The following CDH4 variants were observed in gnomAD, a reference collection of about 807,000 sequenced individuals.
The protein encoded by CDH4 is cadherin 4.
In CDH4, 33 loss-of-function variants were observed where a neutral mutation model predicts 86.0. That is an observed-to-expected ratio of 0.38 (90% CI 0.29 to 0.51). The LOEUF is 0.51. Ranked by LOEUF, CDH4 falls within the 20% of genes least tolerant of loss-of-function variation. The pLI, the probability that CDH4 is intolerant of heterozygous loss-of-function variation, is 0.86. For missense variants in CDH4, 1,114 were observed against 1,307.4 expected (o/e 0.85, Z 2.28); for synonymous variants, 555 against 549.4 (o/e 1.01, Z -0.14).
intron 2 of CDH4, among the ~76,000 whole-genome samples, chr20:61,424,957 C>T (rs974035306): frequency 6.6e-6 from 1 of 152,228 alleles, no homozygotes; most frequent in African/African-American, 2.4e-5. Context: ...AAACTGGACC[C>T]ACCACGTGCA....
chr20:61,310,649 C>G (rs1467209982), intron 2 of CDH4, among the ~76,000 whole-genome samples: 1 of 152,104 alleles, frequency 6.6e-6, no homozygotes, highest in Non-Finnish European at 1.5e-5. Flanking sequence ...TCTGCAGCCC[C>G]GGGGTTGGGT....
At chr20:61,489,140 G>T (rs535418026) in intron 2 of CDH4, among the ~76,000 whole-genome samples, 2 of 152,062 alleles carry the variant, frequency 1.3e-5, no homozygotes, top group South Asian at 2.1e-4. Context: ...AACACGAGTC[G>T]CCTCTTCTCA....
chr20:61,829,209 T>C lies in CDH4; in HGVS notation c.577-15459T>C, dbSNP rs1321423896. On this transcript the variant is annotated intron_variant, in intron 4 of 15. Transcript: ENST00000614565. The surrounding 1 kb of genome is among the most constrained non-coding windows in gnomAD (Gnocchi z 4.2). ...AGCAGCCAATAACGTACTTCCTGTC[T>C]CTATGGATTTGCCTGTCCTGCATAC... 6.6e-6 allele frequency among the ~76,000 whole-genome samples: 1 copy of C among 152,216 alleles called. No homozygotes were observed. Among genetic ancestry groups the C allele is most frequent in the Admixed American group, 6.5e-5 (1 of 15,278 alleles).
chr20:61,767,182 C>A (rs564501230), intron 3 of CDH4, among the ~76,000 whole-genome samples: 1 of 152,324 alleles, frequency 6.6e-6, no homozygotes, highest in East Asian at 1.9e-4. Context: ...TGCACCCCGC[C>A]CCCACATGAG....
intron 2 of CDH4, among the ~76,000 whole-genome samples, chr20:61,590,881 G>GC (rs2086513992): frequency 2.6e-5 from 4 of 152,106 alleles, no homozygotes; most frequent in African/African-American, 9.7e-5. Flanking sequence ...ATCTATGGGG[G>GC]GGGGGGTCCC....
intron 2 of CDH4, among the ~76,000 whole-genome samples, chr20:61,550,910 C>A (rs751740608): frequency 2.0e-5 from 3 of 152,176 alleles, no homozygotes; most frequent in Non-Finnish European, 4.4e-5. Flanking sequence ...CAGGCCAGTG[C>A]GCAGACAGAA....
chr20:61,326,387 C>G (rs2084537096), intron 2 of CDH4, among the ~76,000 whole-genome samples: 1 of 152,230 alleles, frequency 6.6e-6, no homozygotes, highest in Non-Finnish European at 1.5e-5. Context: ...ACACAACACT[C>G]TTTCCAATAT....
At chr20:61,359,634 A>G (rs1162369838) in intron 2 of CDH4, among the ~76,000 whole-genome samples, 1 of 152,224 alleles carries the variant, frequency 6.6e-6, no homozygotes, top group African/African-American at 2.4e-5. Flanking sequence ...AGGACTTAGC[A>G]TCACTCTCTT....
At chr20:61,569,463 T>C (rs2086325868) in intron 2 of CDH4, among the ~76,000 whole-genome samples, 1 of 152,172 alleles carries the variant, frequency 6.6e-6, no homozygotes, top group Non-Finnish European at 1.5e-5. Context: ...CTCCCCTTTC[T>C]CTCTCTCACA....
intron 6 of CDH4, among the ~76,000 whole-genome samples, chr20:61,871,039 A>G (rs1005862429): frequency 3.6e-4 from 54 of 149,866 alleles, no homozygotes; most frequent in Non-Finnish European, 3.3e-4. Flanking sequence ...TATTTATAGG[A>G]TGTGTGTGTG....
intron 9 of CDH4, among the ~76,000 whole-genome samples, chr20:61,920,665 ACTGCATGGAAGCGTGGTGTCGTGATG>A (rs2054968360): frequency 6.7e-6 from 1 of 148,950 alleles, no homozygotes; most frequent in African/African-American, 2.5e-5. Context: ...TGTCACAGTG[ACTGCATGGAAGCGTGGTGTCGTGATG>A]ATTGCATGGA....
intron 2 of CDH4, among the ~76,000 whole-genome samples, chr20:61,592,083 A>G (rs181998294): frequency 6.6e-6 from 1 of 152,136 alleles, no homozygotes; most frequent in East Asian, 1.9e-4. Flanking sequence ...TTAAGCAAAA[A>G]CAGGTTTTCC....
At chr20:61,625,384 G>A (rs1352303697) in intron 2 of CDH4, among the ~76,000 whole-genome samples, 1 of 152,010 alleles carries the variant, frequency 6.6e-6, no homozygotes, top group East Asian at 1.9e-4. Flanking sequence ...GACATTTGCT[G>A]AACCAGCTTG....
intron 6 of CDH4, 111 bp downstream of exon 6, chr20:61,853,009 G>A (rs1359977236): frequency 8.6e-6 from 10 of 1,159,706 alleles, no homozygotes; most frequent in East Asian, 5.1e-5. Context: ...ATGGTGCCAC[G>A]GGACTTGGGC....
chr20:61,579,011 T>C, intron 2 of CDH4, among the ~76,000 whole-genome samples: 1 of 152,204 alleles, frequency 6.6e-6, no homozygotes, highest in East Asian at 1.9e-4. Flanking sequence ...ACCCTGACCG[T>C]GTGCTGAGGG....
chr20:61,778,125 C>T (rs898159893), intron 4 of CDH4, among the ~76,000 whole-genome samples: 1 of 152,220 alleles, frequency 6.6e-6, no homozygotes, highest in East Asian at 1.9e-4. Context: ...TTATCTAGCA[C>T]AGGCAGTGGT....
chr20:61,306,587 A>G lies in CDH4; in HGVS notation c.169+51650A>G, dbSNP rs192980429. Among the ~76,000 whole-genome samples, 95 of 152,260 alleles carry G rather than the reference A, an allele frequency of 6.2e-4. No homozygotes were observed. The East Asian group carries it at 0.015, about 25-fold the overall frequency. On this transcript the variant is annotated intron_variant, in intron 2 of 15. Coordinates refer to ENST00000614565, the MANE Select transcript of CDH4 (RefSeq NM_001794.5). Reference sequence around the variant, plus strand: ...CCTGAACTTGTGATCCACCTGCCTCAGCCTCCCAAAGTGCTGGGATTACAG... The same window carrying G: ...CCTGAACTTGTGATCCACCTGCCTCGGCCTCCCAAAGTGCTGGGATTACAG...
Position 61,344,201 on chromosome 20 carries a change from CG to C in CDH4, c.169+89269del, listed in dbSNP as rs200396609. On this transcript the variant is annotated intron_variant, in intron 2 of 15. Coordinates refer to ENST00000614565, the MANE Select transcript of CDH4 (RefSeq NM_001794.5). ...CGAGTGGAATGGTCCATGGGGCCTG[CG>C]GGGGTTGATACTGATGCTTTGTTTT... Among the ~76,000 whole-genome samples the C allele has an allele frequency of 4.9e-4, 75 of 152,068 alleles. No individual in the cohort carries two copies. The East Asian group carries it at 0.013, about 27-fold the overall frequency.
rs930214627 is a variant in CDH4 at position 61,619,091 on chromosome 20, C to A, written c.170-124472C>A. Reference sequence around the variant, plus strand: ...GAATAAAGAAACAGGCCTGGCCCAGCTGCAGTTGCACACCTAGCCCTGCTA... The same window carrying A: ...GAATAAAGAAACAGGCCTGGCCCAGATGCAGTTGCACACCTAGCCCTGCTA... On this transcript the variant is annotated intron_variant, in intron 2 of 15. Transcript: ENST00000614565. 3.9e-5 allele frequency among the ~76,000 whole-genome samples: 6 copies of A among 152,242 alleles called. 1 individual carries two copies. The highest frequency in any genetic ancestry group is 9.6e-5 in the African/African-American group (4 of 41,466).
Sources: allele counts gnomAD v4.1 joint callset (sites outside exome capture counted in the v4.1 genomes callset), GRCh38; gene constraint gnomAD v4.1.1; non-coding constraint Gnocchi (gnomAD v3.1); transcripts MANE v1.5; gene names NCBI Gene and HGNC (gene_info 2026-07-23, HGNC 2026-07-21).